GPHN: variants seen among roughly 807,000 people sequenced by gnomAD.
GPHN encodes the protein gephyrin.
In GPHN, 17 loss-of-function variants were observed where a neutral mutation model predicts 95.5. That is an observed-to-expected ratio of 0.18 (90% confidence interval 0.12 to 0.27). GPHN has a LOEUF of 0.27. Ranked by LOEUF, GPHN falls within the 10% of genes least tolerant of loss-of-function variation. GPHN has a pLI of 1.00. For synonymous variants in GPHN, 320 were observed against 322.5 expected (o/e 0.99, Z 0.08); for missense variants, 660 against 978.1 (o/e 0.67, Z 4.34).
chr14:66,717,798 C>T (rs1013558591), intron 2 of GPHN, among the ~76,000 whole-genome samples: 1 of 152,168 alleles, frequency 6.6e-6, no homozygotes, highest in African/African-American at 2.4e-5. Flanking sequence ...CCATCTACCG[C>T]GCCTACCCGG....
the GPHN span, among the ~76,000 whole-genome samples, chr14:67,457,956 C>T: frequency 6.6e-6 from 1 of 152,328 alleles, no homozygotes; most frequent in East Asian, 1.9e-4. Flanking sequence ...CTCTCTGGTG[C>T]CAAGTGTCCT....
At chr14:67,194,256 C>T in the GPHN span, among the ~76,000 whole-genome samples, 9 of 150,752 alleles carry the variant, frequency 6.0e-5, no homozygotes, top group Admixed American at 3.3e-4. Flanking sequence ...CCCAACTACT[C>T]GGGAGGCTGA....
the GPHN span, among the ~76,000 whole-genome samples, chr14:67,456,833 G>A: frequency 6.6e-6 from 1 of 152,186 alleles, no homozygotes; most frequent in South Asian, 2.1e-4. Flanking sequence ...ACATATGTAT[G>A]TTCATTACAG....
intron 1 of GPHN, among the ~76,000 whole-genome samples, chr14:66,565,822 C>T (rs1461299336): frequency 6.6e-6 from 1 of 152,046 alleles, no homozygotes. Context: ...TTATCTTTGT[C>T]ATTTCACCAC....
intron 4 of GPHN, among the ~76,000 whole-genome samples, chr14:66,867,330 G>A (rs535087819): frequency 6.6e-6 from 1 of 152,188 alleles, no homozygotes; most frequent in African/African-American, 2.4e-5. Context: ...AAAGTTGTTT[G>A]TAACTAAAAT....
the GPHN span, chr14:67,473,790 G>C: frequency 6.2e-7 from 1 of 1,613,938 alleles, no homozygotes; most frequent in Non-Finnish European, 8.5e-7. This position sits in a 1 kb window ranked among gnomAD's most constrained non-coding sequence, Gnocchi z 6.5. Flanking sequence ...CCACACGCTC[G>C]TGACCCCAGG....
chr14:66,867,388 C>T (rs553191371), intron 4 of GPHN, among the ~76,000 whole-genome samples: 6 of 152,204 alleles, frequency 3.9e-5, no homozygotes, highest in African/African-American at 7.2e-5. Context: ...AGACTAAATT[C>T]GAGACTGCTT....
the GPHN span, among the ~76,000 whole-genome samples, chr14:67,565,951 C>A: frequency 6.6e-6 from 1 of 152,084 alleles, no homozygotes; most frequent in African/African-American, 2.4e-5. Context: ...GAAACCCCAT[C>A]TCTACTAAAA....
chr14:67,148,177 T>A (rs906241718), intron 18 of GPHN, among the ~76,000 whole-genome samples: 3 of 152,190 alleles, frequency 2.0e-5, no homozygotes, highest in Non-Finnish European at 4.4e-5. Flanking sequence ...GCTCAATTCA[T>A]AAATAAGGAA....
At chr14:67,700,714 C>CAA in the GPHN span, among the ~76,000 whole-genome samples, 7,268 of 101,004 alleles carry the variant, frequency 0.072, 737 homozygotes, top group African/African-American at 0.23. Flanking sequence ...GACTCCATCT[C>CAA]AAAAAAAAAA....
At chr14:67,620,894 A>G in the GPHN span, 1 of 1,614,084 alleles carries the variant, frequency 6.2e-7, no homozygotes, top group Middle Eastern at 1.6e-4. Flanking sequence ...TGACTGACAG[A>G]AAAGAAAAGG....
chr14:66,701,034 T>G (rs1240483429), intron 2 of GPHN, among the ~76,000 whole-genome samples: 2 of 152,248 alleles, frequency 1.3e-5, no homozygotes, highest in Admixed American at 6.5e-5. Context: ...AACCTTATGC[T>G]TGCCCTGCCC....
intron 18 of GPHN, among the ~76,000 whole-genome samples, chr14:67,153,597 C>CAGAAT (rs902720942): frequency 2.0e-5 from 3 of 152,184 alleles, no homozygotes; most frequent in Non-Finnish European, 2.9e-5. Context: ...GGGACATATT[C>CAGAAT]AGTCCATTGC....
chr14:66,939,645 CCAGT>C (rs1200837386), intron 8 of GPHN, among the ~76,000 whole-genome samples: 5 of 152,170 alleles, frequency 3.3e-5, no homozygotes, highest in Non-Finnish European at 2.9e-5. Context: ...CCTCCCCGTG[CCAGT>C]CAGAGATTCT....
the GPHN span, among the ~76,000 whole-genome samples, chr14:67,211,333 G>A: frequency 4.6e-5 from 7 of 152,154 alleles, no homozygotes; most frequent in Non-Finnish European, 8.8e-5. Flanking sequence ...ATGTAGATTT[G>A]ACTCACATTG....
At chr14:66,663,259 C>A (rs2065761143) in intron 1 of GPHN, among the ~76,000 whole-genome samples, 1 of 152,178 alleles carries the variant, frequency 6.6e-6, no homozygotes, top group South Asian at 2.1e-4. Context: ...GGAAGACCAT[C>A]TGACTAACAG....
In GPHN at chr14:66,922,697, C is replaced by T; in HGVS notation, c.488C>T (p.Pro163Leu). 6.2e-7 allele frequency: 1 copy of T among 1,613,678 alleles called. No homozygotes were observed. Among genetic ancestry groups the T allele is most frequent in the Non-Finnish European group, 8.5e-7 (1 of 1,179,656 alleles). The change falls in exon 7 of 23, where the codon CCT becomes CTT. Residue 163 changes from proline to leucine, a missense_variant. Transcript: ENST00000478722. The part of the protein sequence containing the change: ...ECFQFILPAL[P>L]HAIDLLRDAI... ...TTTCAATTCATACTGCCAGCTCTAC[C>T]TCATGCCATTGACCTTTTACGTGAT...
the GPHN span, among the ~76,000 whole-genome samples, chr14:67,484,562 A>C: frequency 1.1e-4 from 16 of 152,330 alleles, no homozygotes; most frequent in Admixed American, 9.1e-4. Flanking sequence ...AGTCACTATT[A>C]ATGGTATGTT....
chr14:67,544,401 A>G, the GPHN span, among the ~76,000 whole-genome samples: 1 of 152,184 alleles, frequency 6.6e-6, no homozygotes, highest in Non-Finnish European at 1.5e-5. Flanking sequence ...CTCTGGAGAC[A>G]CAAGACCTCA....
Sources: gnomAD v4.1 joint callset for allele counts (sites outside exome capture counted in the v4.1 genomes callset) on GRCh38, gnomAD v4.1.1 for gene constraint, Gnocchi (gnomAD v3.1) non-coding constraint, MANE v1.5 for transcripts, NCBI Gene and HGNC (gene_info 2026-07-23, HGNC 2026-07-21) for gene names.